SIPA1L3: variants seen among roughly 807,000 people sequenced by gnomAD.
SIPA1L3 encodes the protein signal induced proliferation associated 1 like 3, also known as signal-induced proliferation-associated 1-like protein 3.
SIPA1L3 carries 59 observed loss-of-function variants against 150.1 expected under a neutral mutation model. That is an observed-to-expected ratio of 0.39 (90% CI 0.32 to 0.49). The LOEUF (loss-of-function observed/expected upper bound fraction) is 0.49. Ranked by LOEUF, SIPA1L3 falls within the 20% of genes least tolerant of loss-of-function variation. The probability of loss-of-function intolerance (pLI) is 0.86; values close to 1 mark genes in which losing one functional copy is unlikely to be tolerated. For missense variants in SIPA1L3, 2,211 were observed against 2,489.5 expected, an observed-to-expected ratio of 0.89 and a Z score of 2.38; for synonymous variants, 1,070 against 1,077.6, an observed-to-expected ratio of 0.99 and a Z score of 0.14.
rs11365704 is a variant in SIPA1L3 at position 38,161,876 on chromosome 19, C to CAA, written c.3662-362_3662-361dup. 8.5e-4 allele frequency among the ~76,000 whole-genome samples: 120 copies of CAA among 141,868 alleles called. 3 individuals are homozygous for CAA. In the East Asian group the frequency reaches 0.02, roughly 23 times the overall value. 93.1% of individuals were successfully genotyped at this position (141,868 alleles called of 152,430 possible). On this transcript the variant is annotated intron_variant, in intron 13 of 21. Transcript: ENST00000222345. ...CACCCTGGATGCTGTAGCAAGACCT[C>CAA]AAAAAAAAAAAAAAAATTAGCCAAG...
chr19:37,939,962 T>C (rs2046638072), intron 1 of SIPA1L3, among the ~76,000 whole-genome samples: 1 of 152,146 alleles, frequency 6.6e-6, no homozygotes, highest in African/African-American at 2.4e-5. Flanking sequence ...CACAGATATT[T>C]ATGGAGCACC....
rs34272056 is a variant in SIPA1L3, at chr19:37,973,235, C to CTT, written c.-378-55836_-378-55835dup. ...CATGGTGTATGAAAAAAAAGCGCAT[C>CTT]TTTTTTTTTTTTTTTTTTTGAGATA... On this transcript the variant is annotated intron_variant, in intron 1 of 21. Coordinates refer to ENST00000222345, the MANE Select transcript of SIPA1L3 (RefSeq NM_015073.3). Among the ~76,000 whole-genome samples, 1,022 of 119,960 alleles carry CTT rather than the reference C, an allele frequency of 8.5e-3. 8 individuals are homozygous for CTT. Among genetic ancestry groups the CTT allele is most frequent in the Non-Finnish European group, 0.013 (757 of 59,750 alleles). 78.7% of individuals were successfully genotyped at this position (119,960 alleles called of 152,430 possible). A position where few individuals can be genotyped will look rare whatever the true frequency, so the allele number is the denominator to read the frequency against.
At chr19:37,967,253 C>G (rs965867089) in intron 1 of SIPA1L3, among the ~76,000 whole-genome samples, 3 of 150,852 alleles carry the variant, frequency 2.0e-5, no homozygotes, top group East Asian at 1.9e-4. Context: ...AGTTCCCCCC[C>G]ACCCTTTTTT....
At chr19:37,948,508 G>T (rs2046733114) in intron 1 of SIPA1L3, among the ~76,000 whole-genome samples, 4 of 151,858 alleles carry the variant, frequency 2.6e-5, no homozygotes, top group Non-Finnish European at 5.9e-5. Flanking sequence ...TTGGCACATA[G>T]TAAACACTCA....
chr19:37,913,996 G>T (rs1199194914), intron 1 of SIPA1L3, among the ~76,000 whole-genome samples: 2 of 138,480 alleles, frequency 1.4e-5, no homozygotes, highest in East Asian at 4.3e-4. Flanking sequence ...CTGCACTCCA[G>T]CCTGGGCGGC....
chr19:37,956,402 C>T (rs1348167903), intron 1 of SIPA1L3, among the ~76,000 whole-genome samples: 1 of 151,502 alleles, frequency 6.6e-6, no homozygotes, highest in African/African-American at 2.4e-5. Context: ...CTGGATAACA[C>T]TCATCAGATA....
chr19:38,058,230 T>C (rs994377326), intron 2 of SIPA1L3, among the ~76,000 whole-genome samples: 6 of 152,174 alleles, frequency 3.9e-5, no homozygotes, highest in Non-Finnish European at 5.9e-5. Context: ...GCCCTCGCCA[T>C]CTGCCAGCTG....
At chr19:38,162,393 C>T (rs1184036719) in intron 14 of SIPA1L3, 22 bp downstream of exon 14, 1 of 1,587,332 alleles carries the variant, frequency 6.3e-7, no homozygotes, top group Non-Finnish European at 8.7e-7. Context: ...CCCCACCCTG[C>T]CCTACCGGGG....
chr19:37,924,888 A>G (rs1275405956), intron 1 of SIPA1L3, among the ~76,000 whole-genome samples: 2 of 151,638 alleles, frequency 1.3e-5, no homozygotes, highest in East Asian at 3.9e-4. Context: ...CTCTCTACTA[A>G]AAATACAAAA....
chr19:38,122,392 C>T (rs1476282494), intron 9 of SIPA1L3, among the ~76,000 whole-genome samples: 1 of 152,236 alleles, frequency 6.6e-6, no homozygotes, highest in Non-Finnish European at 1.5e-5. Flanking sequence ...GCTCCACTCT[C>T]TCTCATGCCC....
At chr19:37,945,034 C>T (rs1300468071) in intron 1 of SIPA1L3, among the ~76,000 whole-genome samples, 1 of 152,144 alleles carries the variant, frequency 6.6e-6, no homozygotes, top group Non-Finnish European at 1.5e-5. Context: ...TAAATGTGCT[C>T]AGAACACCTG....
chr19:38,170,827 C>T (rs1443554680), intron 15 of SIPA1L3, among the ~76,000 whole-genome samples: 1 of 151,730 alleles, frequency 6.6e-6, no homozygotes, highest in African/African-American at 2.4e-5. Flanking sequence ...TCACATCTGC[C>T]AAGGATGAGG....
At chr19:38,163,680 C>A (rs372318729) in intron 14 of SIPA1L3, among the ~76,000 whole-genome samples, 1 of 151,908 alleles carries the variant, frequency 6.6e-6, no homozygotes, top group Non-Finnish European at 1.5e-5. Context: ...GGCGCAGAGG[C>A]CCTGACGGGG....
At chr19:38,088,147 A>G (rs919929452) in intron 3 of SIPA1L3, among the ~76,000 whole-genome samples, 1 of 152,268 alleles carries the variant, frequency 6.6e-6, no homozygotes, top group Non-Finnish European at 1.5e-5. Flanking sequence ...AACACTCATC[A>G]TGTGCGTACT....
intron 1 of SIPA1L3, among the ~76,000 whole-genome samples, chr19:37,975,830 C>T (rs937568374): frequency 5.9e-5 from 9 of 152,028 alleles, no homozygotes; most frequent in African/African-American, 2.2e-4. Context: ...GTTGGCCGGG[C>T]GCAGTGGCTC....
intron 7 of SIPA1L3, 34 bp from the exon 8 acceptor site, chr19:38,110,193 C>T: frequency 1.2e-6 from 2 of 1,607,470 alleles, no homozygotes; most frequent in Non-Finnish European, 1.7e-6. Flanking sequence ...CGACCTGTGA[C>T]AGGTTCCTGT....
chr19:38,203,165 G>A (rs1389040131), intron 20 of SIPA1L3, among the ~76,000 whole-genome samples: 4 of 152,126 alleles, frequency 2.6e-5, no homozygotes, highest in Admixed American at 2.0e-4. Context: ...ACGAACGTAG[G>A]CCCCACTGTA....
intron 15 of SIPA1L3, among the ~76,000 whole-genome samples, chr19:38,165,118 C>T (rs1447278930): frequency 2.0e-5 from 3 of 152,118 alleles, no homozygotes; most frequent in South Asian, 4.1e-4. Context: ...GGGAAAGAAA[C>T]CCCTGGCCTT....
chr19:37,980,676 C>T (rs535164319), intron 1 of SIPA1L3, among the ~76,000 whole-genome samples: 4 of 81,712 alleles, frequency 4.9e-5, no homozygotes, highest in East Asian at 2.6e-3. Flanking sequence ...ATGGAGGAAC[C>T]GTGCCTTTAA....
Sources: gnomAD v4.1 joint callset for allele counts (sites outside exome capture counted in the v4.1 genomes callset) on GRCh38, gnomAD v4.1.1 for gene constraint, MANE v1.5 for transcripts, NCBI Gene and HGNC (gene_info 2026-07-23, HGNC 2026-07-21) for gene names.